The following SNX29 variants were observed in gnomAD, a reference collection of about 807,000 sequenced individuals.
SNX29 encodes sorting nexin 29, also known as sorting nexin-29.
SNX29 carries 78 observed loss-of-function variants against 102.1 expected under a neutral mutation model. The observed-to-expected ratio is 0.76, with a 90% CI of 0.64 to 0.92. The LOEUF (loss-of-function observed/expected upper bound fraction) is 0.92. Among genes scored for constraint, SNX29 ranks in the 40% least tolerant of loss-of-function variants. The pLI is 0.00. For missense variants in SNX29, 1,280 were observed against 1,061.7 expected, an observed-to-expected ratio of 1.21 and a Z score of -2.86; for synonymous variants, 580 against 414.5, an observed-to-expected ratio of 1.40 and a Z score of -4.85.
At position 12,569,854 on chromosome 16, in the gene SNX29, G is replaced by A. The variant is rs186942031; in HGVS notation, c.*1225G>A. The A allele has an allele frequency of 5.6e-5, 13 of 230,912 alleles. No homozygotes were observed. The highest frequency in any genetic ancestry group is 3.1e-4 in the East Asian group (5 of 16,298). 14.3% of individuals were successfully genotyped at this position (230,912 alleles called of 1,614,324 possible). A position where few individuals can be genotyped will look rare whatever the true frequency, so the allele number is the denominator to read the frequency against. ...GGGTAAACTAACTAGGAAGGATGTC[G>A]TGAAATGGACTATGCAAGAGTAAGT... On this transcript the variant is annotated 3_prime_UTR_variant, in exon 21 of 21. Coordinates refer to ENST00000566228, the MANE Select transcript of SNX29 (RefSeq NM_032167.5).
intron 16 of SNX29, among the ~76,000 whole-genome samples, chr16:12,385,323 C>T (rs1448899488): frequency 6.6e-6 from 1 of 152,184 alleles, no homozygotes; most frequent in African/African-American, 2.4e-5. Context: ...GGAAAGAACC[C>T]GGAAGGGATG....
In SNX29 at chr16:12,430,288, TTGTC is replaced by T. The variant is rs561056281; in HGVS notation, c.2037+26762_2037+26765del. ...GTTGGGAACTGCTGCTTTATTTTCTTTGTCTGCACAGTGGGGGCAATGCCACCCA... is the reference window on the plus strand; with the variant it reads ...GTTGGGAACTGCTGCTTTATTTTCTTTGCACAGTGGGGGCAATGCCACCCA... On this transcript the variant is annotated intron_variant, in intron 18 of 20. Transcript: ENST00000566228. Among the ~76,000 whole-genome samples, 49 of 152,354 alleles carry T rather than the reference TTGTC, an allele frequency of 3.2e-4. No individual in the cohort carries two copies. The South Asian group carries it at 9.5e-3, about 30-fold the overall frequency.
At chr16:12,178,108 T>G (rs761238147) in intron 13 of SNX29, among the ~76,000 whole-genome samples, 1 of 152,026 alleles carries the variant, frequency 6.6e-6, no homozygotes, top group African/African-American at 2.4e-5. Context: ...TCACTAGACA[T>G]GGGGGAGGGA....
chr16:12,048,646 G>A (rs370060404), intron 7 of SNX29, 26 bp downstream of exon 7: 115 of 1,613,812 alleles, frequency 7.1e-5, no homozygotes, highest in Non-Finnish European at 9.4e-5. Flanking sequence ...TGCTCGAGGC[G>A]GAGCAGAGGG....
intron 14 of SNX29, among the ~76,000 whole-genome samples, chr16:12,209,914 G>T (rs552526128): frequency 6.6e-6 from 1 of 152,206 alleles, no homozygotes. Context: ...GGGCTGAGAA[G>T]GGTAGCAGGT....
At chr16:12,078,558 A>G (rs953100084) in intron 10 of SNX29, among the ~76,000 whole-genome samples, 4 of 152,240 alleles carry the variant, frequency 2.6e-5, no homozygotes, top group East Asian at 1.9e-4. Context: ...GATTATGCAC[A>G]TTAGGGAGTG....
intron 15 of SNX29, among the ~76,000 whole-genome samples, chr16:12,305,639 A>G (rs2080314513): frequency 6.6e-6 from 1 of 152,194 alleles, no homozygotes; most frequent in Non-Finnish European, 1.5e-5. Flanking sequence ...ATTGCATGGA[A>G]ATATTATTTA....
chr16:12,539,583 A>T (rs1470117244), intron 20 of SNX29, among the ~76,000 whole-genome samples: 1 of 152,176 alleles, frequency 6.6e-6, no homozygotes, highest in African/African-American at 2.4e-5. Flanking sequence ...AAAAGTTTTC[A>T]TTTCTGTGCG....
In SNX29 at chr16:12,572,204, C is replaced by T. The variant is rs1356895705; in HGVS notation, c.*3575C>T. The T allele has an allele frequency of 1.4e-5, 14 of 980,384 alleles. No individual in the cohort carries two copies. The highest frequency in any genetic ancestry group is 1.7e-5 in the Non-Finnish European group (14 of 802,830). The allele number at this position is 980,384 out of a possible 1,614,324, so 60.7% of individuals were successfully genotyped here. ...TAGAACCATGGCAGGTAGTATTGTG[C>T]TTTAAAAACCAGAGGCTCCTGAAAG... On this transcript the variant is annotated 3_prime_UTR_variant, in exon 21 of 21. Transcript: ENST00000566228.
rs1033511100 is a variant in SNX29 at position 12,098,411 on chromosome 16, C to T, written c.1402+19496C>T. Among the ~76,000 whole-genome samples, 1 of 152,200 alleles carries T rather than the reference C, an allele frequency of 6.6e-6. No homozygotes were observed. Among genetic ancestry groups the T allele is most frequent in the Admixed American group, 6.5e-5 (1 of 15,282 alleles). On this transcript the variant is annotated intron_variant, in intron 11 of 20. Transcript: ENST00000566228. The surrounding 1 kb of genome is among the most constrained non-coding windows in gnomAD (Gnocchi z 6.0). ...GAGTTCACCTTCTGGAAGAACGTCGCTGCCCAGTTGAATAGGGGGTTGGGC... is the reference window on the plus strand; with the variant it reads ...GAGTTCACCTTCTGGAAGAACGTCGTTGCCCAGTTGAATAGGGGGTTGGGC...
chr16:12,321,205 C>T (rs565075682), intron 15 of SNX29, among the ~76,000 whole-genome samples: 4 of 152,292 alleles, frequency 2.6e-5, no homozygotes, highest in African/African-American at 9.6e-5. Flanking sequence ...GTTACCACTC[C>T]TGCTCAGACC....
chr16:12,453,596 G>A (rs564695080), intron 18 of SNX29, among the ~76,000 whole-genome samples: 2 of 152,002 alleles, frequency 1.3e-5, no homozygotes, highest in African/African-American at 2.4e-5. Flanking sequence ...GCCCAGGCTG[G>A]TCTTGAACTC....
intron 18 of SNX29, among the ~76,000 whole-genome samples, chr16:12,412,433 C>G (rs916425383): frequency 6.6e-6 from 1 of 152,222 alleles, no homozygotes; most frequent in Non-Finnish European, 1.5e-5. Context: ...CTGTCACTCT[C>G]TCATTGACCC....
intron 15 of SNX29, among the ~76,000 whole-genome samples, chr16:12,314,931 T>C (rs1467089964): frequency 6.6e-6 from 1 of 152,234 alleles, no homozygotes; most frequent in South Asian, 2.1e-4. Context: ...TTCTCAATAA[T>C]CCTTGAGTGG....
At chr16:12,077,891 G>A (rs1374149629) in intron 10 of SNX29, among the ~76,000 whole-genome samples, 4 of 152,212 alleles carry the variant, frequency 2.6e-5, no homozygotes, top group East Asian at 1.9e-4. Flanking sequence ...AAAGTATTGC[G>A]ATTACAGGCA....
chr16:12,436,128 G>T (rs1308614635), intron 18 of SNX29, among the ~76,000 whole-genome samples: 1 of 152,190 alleles, frequency 6.6e-6, no homozygotes, highest in Non-Finnish European at 1.5e-5. Context: ...GCTGAAGGTT[G>T]ATTTTCCAAA....
intron 15 of SNX29, among the ~76,000 whole-genome samples, chr16:12,326,609 T>C (rs1018996371): frequency 6.6e-6 from 1 of 152,206 alleles, no homozygotes; most frequent in Non-Finnish European, 1.5e-5. Context: ...AAACGGGCAC[T>C]GGGGCTGGCT....
chr16:12,560,095 A>C (rs980818610), intron 20 of SNX29, among the ~76,000 whole-genome samples: 1 of 152,014 alleles, frequency 6.6e-6, no homozygotes, highest in African/African-American at 2.4e-5. Flanking sequence ...GGTTATCCAC[A>C]AAGGATGAGT....
At chr16:12,021,734 A>G (rs1272892741) in intron 3 of SNX29, among the ~76,000 whole-genome samples, 1 of 151,888 alleles carries the variant, frequency 6.6e-6, no homozygotes, top group Non-Finnish European at 1.5e-5. Flanking sequence ...CTAAAAATAC[A>G]CACAAAAAAT....
Sources: allele counts gnomAD v4.1 joint callset (sites outside exome capture counted in the v4.1 genomes callset), GRCh38; gene constraint gnomAD v4.1.1; non-coding constraint Gnocchi (gnomAD v3.1); transcripts MANE v1.5; gene names NCBI Gene and HGNC (gene_info 2026-07-23, HGNC 2026-07-21).